The following CPED1 variants were observed in gnomAD, a reference collection of about 807,000 sequenced individuals.
CPED1 encodes the protein cadherin-like and PC-esterase domain-containing protein 1.
In CPED1, 114 loss-of-function variants were observed where a neutral mutation model predicts 128.2. The ratio of observed to expected loss-of-function variants is 0.89; its 90% confidence interval spans 0.76 to 1.04. The LOEUF (loss-of-function observed/expected upper bound fraction) is 1.04, where lower values mean the gene tolerates loss of function less well. Among genes scored for constraint, CPED1 ranks in the 50% least tolerant of loss-of-function variants. The probability of loss-of-function intolerance (pLI) is 0.00; values close to 1 mark genes in which losing one functional copy is unlikely to be tolerated. For missense variants in CPED1, 1,211 were observed against 1,207.1 expected (o/e 1.00, Z -0.05); for synonymous variants, 462 against 426.7 (o/e 1.08, Z -1.02).
At chr7:121,068,031 T>C (rs979679815) in intron 5 of CPED1, among the ~76,000 whole-genome samples, 3 of 152,218 alleles carry the variant, frequency 2.0e-5, no homozygotes, top group African/African-American at 4.8e-5. Context: ...GTCAGATAAG[T>C]AGATTGCAAA....
intron 3 of CPED1, among the ~76,000 whole-genome samples, chr7:121,042,934 G>A (rs12706307): frequency 0.67 from 101,395 of 152,028 alleles, 35,819 homozygotes; most frequent in Admixed American, 0.81. Flanking sequence ...GAGAACCTAA[G>A]AAGTCACCAC....
At chr7:121,006,032 C>G (rs1792004231) in intron 2 of CPED1, among the ~76,000 whole-genome samples, 1 of 152,152 alleles carries the variant, frequency 6.6e-6, no homozygotes, top group Non-Finnish European at 1.5e-5. Context: ...AACTCAGATT[C>G]AGAGTCTCTG....
rs377035175 is a variant in CPED1 at position 121,189,760 on chromosome 7, T to TTATA, written c.2056-46919_2056-46916dup. On this transcript the variant is annotated intron_variant, in intron 16 of 22. Transcript: ENST00000310396. ...TCTTATTTTACTTTCTTATGAGGTT[T>TTATA]TATATATATATATATATATATATAT... Among the ~76,000 whole-genome samples, 317 of 47,446 alleles carry TTATA rather than the reference T, an allele frequency of 6.7e-3. 5 individuals are homozygous for TTATA. Among genetic ancestry groups the TTATA allele is most frequent in the African/African-American group, 0.016 (194 of 12,318 alleles). 31.1% of individuals were successfully genotyped at this position (47,446 alleles called of 152,430 possible). A position where few individuals can be genotyped will look rare whatever the true frequency, so the allele number is the denominator to read the frequency against.
chr7:121,144,860 G>C (rs1795987725), intron 16 of CPED1, among the ~76,000 whole-genome samples: 1 of 151,910 alleles, frequency 6.6e-6, no homozygotes. Context: ...AAAGAAGCCA[G>C]ATATATAAAG....
In CPED1 at chr7:121,105,315, T is replaced by C. The variant is rs563627636; in HGVS notation, c.918+5221T>C. 8.5e-5 allele frequency among the ~76,000 whole-genome samples: 13 copies of C among 152,272 alleles called. No individual in the cohort carries two copies. In the East Asian group the frequency reaches 1.9e-3, roughly 23 times the overall value. On this transcript the variant is annotated intron_variant, in intron 7 of 22. Transcript: ENST00000310396. The stretch of plus-strand genomic sequence containing the variant: ...TGATAATGTTGGGTGAGATTGCTTA[T>C]ATATTCCCAAGGTAAAAATGAGTAA...
At chr7:121,024,962 A>G (rs1209036444) in intron 3 of CPED1, among the ~76,000 whole-genome samples, 1 of 152,148 alleles carries the variant, frequency 6.6e-6, no homozygotes, top group African/African-American at 2.4e-5. Context: ...AGCTGTTTGA[A>G]GTATTTTTGA....
intron 21 of CPED1, 85 bp from the exon 22 acceptor site, chr7:121,271,199 C>A: frequency 9.2e-7 from 1 of 1,089,880 alleles, no homozygotes; most frequent in South Asian, 1.7e-5. Context: ...GTAAAAAAGA[C>A]ATTTACATAA....
At chr7:121,184,223 G>A (rs1353887888) in intron 16 of CPED1, among the ~76,000 whole-genome samples, 2 of 152,040 alleles carry the variant, frequency 1.3e-5, no homozygotes, top group Non-Finnish European at 2.9e-5. Context: ...TTAAGTGGAT[G>A]TGGGAGTTTT....
intron 7 of CPED1, among the ~76,000 whole-genome samples, chr7:121,116,480 T>C (rs1795235828): frequency 6.6e-6 from 1 of 152,180 alleles, no homozygotes; most frequent in Non-Finnish European, 1.5e-5. Flanking sequence ...CAAAGAAATA[T>C]TCTTAGTTTT....
chr7:121,198,175 A>G (rs960370670), intron 16 of CPED1, among the ~76,000 whole-genome samples: 3 of 152,080 alleles, frequency 2.0e-5, no homozygotes, highest in East Asian at 1.9e-4. Context: ...ATTGTTTAGG[A>G]AAAAAATCAC....
intron 3 of CPED1, among the ~76,000 whole-genome samples, chr7:121,028,899 T>C (rs766653526): frequency 6.6e-6 from 1 of 152,212 alleles, no homozygotes; most frequent in African/African-American, 2.4e-5. Context: ...TGTTTCTTTA[T>C]AAGCTTTTAT....
intron 22 of CPED1, among the ~76,000 whole-genome samples, chr7:121,284,286 T>G (rs1792519265): frequency 6.6e-6 from 1 of 152,130 alleles, no homozygotes; most frequent in Admixed American, 6.6e-5. Context: ...GTCCCTCTCA[T>G]AACACGTGTG....
At chr7:121,255,807 C>A (rs1379163258) in intron 18 of CPED1, among the ~76,000 whole-genome samples, 3 of 151,816 alleles carry the variant, frequency 2.0e-5, no homozygotes, top group Admixed American at 1.3e-4. Flanking sequence ...ATCCCATTTA[C>A]AATAGCCACA....
intron 16 of CPED1, among the ~76,000 whole-genome samples, chr7:121,204,932 C>T (rs186194878): frequency 7.8e-4 from 118 of 152,160 alleles, no homozygotes; most frequent in Non-Finnish European, 1.5e-3. Flanking sequence ...ATTGCCTAAT[C>T]CTGATGATTC....
intron 16 of CPED1, among the ~76,000 whole-genome samples, chr7:121,155,229 A>G (rs543387117): frequency 6.6e-6 from 1 of 152,346 alleles, no homozygotes; most frequent in Admixed American, 6.5e-5. Context: ...TAAAATGGAA[A>G]GATGTTCCAT....
At chr7:121,184,133 T>C (rs1280749509) in intron 16 of CPED1, among the ~76,000 whole-genome samples, 1 of 124,600 alleles carries the variant, frequency 8.0e-6, no homozygotes, top group Non-Finnish European at 1.7e-5. Flanking sequence ...AGAGCGAGAC[T>C]CTGTCTCAAA....
chr7:121,221,225 G>C (rs574411630), intron 16 of CPED1, among the ~76,000 whole-genome samples: 3 of 152,032 alleles, frequency 2.0e-5, no homozygotes, highest in African/African-American at 7.2e-5. Flanking sequence ...TTGGTTTTCT[G>C]TCTTTGTGAT....
At chr7:121,119,689 T>G (rs1795340815) in intron 7 of CPED1, among the ~76,000 whole-genome samples, 1 of 151,860 alleles carries the variant, frequency 6.6e-6, no homozygotes, top group Non-Finnish European at 1.5e-5. Flanking sequence ...GTCATATACA[T>G]GTAACGTGAA....
At chr7:121,067,870 A>G (rs1408032144) in intron 5 of CPED1, among the ~76,000 whole-genome samples, 3 of 152,234 alleles carry the variant, frequency 2.0e-5, no homozygotes, top group Non-Finnish European at 4.4e-5. Context: ...GCCAGTGATG[A>G]TGAGCATTTT....
Sources: gnomAD v4.1 joint callset for allele counts (sites outside exome capture counted in the v4.1 genomes callset) on GRCh38, gnomAD v4.1.1 for gene constraint, MANE v1.5 for transcripts, NCBI Gene and HGNC (gene_info 2026-07-23, HGNC 2026-07-21) for gene names.